The following NSMCE2 variants were observed in gnomAD, a reference collection of about 807,000 sequenced individuals.
NSMCE2 encodes the protein NSE2 SUMO ligase component of SMC5/6 complex.
NSMCE2 carries 24 observed loss-of-function variants against 23.8 expected under a neutral mutation model. That is an observed-to-expected ratio of 1.01 (90% CI 0.73 to 1.42). NSMCE2 has a LOEUF of 1.42. Ranked by LOEUF, NSMCE2 falls within the 40% of genes most tolerant of loss-of-function variation. The pLI is 0.00. For synonymous variants in NSMCE2, 92 were observed against 94.1 expected (o/e 0.98, Z 0.13); for missense variants, 284 against 296.5 (o/e 0.96, Z 0.31).
intron 5 of NSMCE2, among the ~76,000 whole-genome samples, chr8:125,332,385 T>C (rs935364539): frequency 1.2e-4 from 19 of 152,218 alleles, no homozygotes; most frequent in Non-Finnish European, 2.2e-4. Context: ...GTATGGTTTA[T>C]GGAGTGAAAT....
At chr8:125,245,917 G>A (rs962877458) in intron 5 of NSMCE2, among the ~76,000 whole-genome samples, 12 of 151,792 alleles carry the variant, frequency 7.9e-5, no homozygotes, top group Non-Finnish European at 1.2e-4. Flanking sequence ...CCAGCTACTC[G>A]GGAGGCTGAG....
intron 4 of NSMCE2, among the ~76,000 whole-genome samples, chr8:125,176,651 A>G (rs1367591617): frequency 2.0e-5 from 3 of 152,102 alleles, no homozygotes; most frequent in Non-Finnish European, 2.9e-5. Context: ...ACTAACAGCT[A>G]CTCATTATTG....
intron 4 of NSMCE2, among the ~76,000 whole-genome samples, chr8:125,166,536 G>C (rs1335063378): frequency 4.6e-5 from 7 of 152,116 alleles, no homozygotes; most frequent in Admixed American, 4.6e-4. Context: ...CAAAGTGCTG[G>C]GATTACAGGT....
intron 5 of NSMCE2, among the ~76,000 whole-genome samples, chr8:125,305,910 A>G (rs1045874575): frequency 2.0e-5 from 3 of 152,206 alleles, no homozygotes; most frequent in Admixed American, 1.3e-4. Context: ...AATAACAATC[A>G]GTTGTAGTAC....
intron 5 of NSMCE2, among the ~76,000 whole-genome samples, chr8:125,272,723 A>G (rs1827257735): frequency 7.0e-6 from 1 of 143,822 alleles, no homozygotes; most frequent in South Asian, 2.1e-4. Flanking sequence ...TATAATATAT[A>G]TATATACACA....
intron 5 of NSMCE2, among the ~76,000 whole-genome samples, chr8:125,285,238 G>A (rs774115212): frequency 2.4e-4 from 37 of 152,188 alleles, no homozygotes; most frequent in Non-Finnish European, 4.1e-4. Context: ...TTGCCAGATG[G>A]AGAGAAAGAT....
At chr8:125,129,431 A>G (rs933309914) in intron 3 of NSMCE2, among the ~76,000 whole-genome samples, 1 of 152,178 alleles carries the variant, frequency 6.6e-6, no homozygotes, top group African/African-American at 2.4e-5. Flanking sequence ...CTAAGATTGT[A>G]TAACTAGTTA....
At chr8:125,352,476 C>T (rs935383025) in intron 5 of NSMCE2, among the ~76,000 whole-genome samples, 3 of 77,880 alleles carry the variant, frequency 3.9e-5, no homozygotes, top group African/African-American at 1.4e-4. Flanking sequence ...AAATCCATCT[C>T]AAAAAAAAAA....
intron 5 of NSMCE2, among the ~76,000 whole-genome samples, chr8:125,202,067 G>A (rs1007815801): frequency 1.3e-5 from 2 of 152,226 alleles, no homozygotes; most frequent in African/African-American, 4.8e-5. Flanking sequence ...TAAGACCATG[G>A]GAAAAGCACA....
chr8:125,152,171 A>G (rs1423418420), intron 4 of NSMCE2, among the ~76,000 whole-genome samples: 1 of 152,224 alleles, frequency 6.6e-6, no homozygotes, highest in Non-Finnish European at 1.5e-5. Context: ...GACTAACTTT[A>G]AGAATATCAC....
intron 1 of NSMCE2, 139 bp downstream of exon 1, chr8:125,092,097 T>C (rs1026354148): frequency 2.0e-5 from 3 of 152,178 alleles, no homozygotes; most frequent in African/African-American, 7.2e-5. Context: ...CGGTAGTGAG[T>C]CTGGGACAGT....
At chr8:125,283,443 G>A (rs765611579) in intron 5 of NSMCE2, among the ~76,000 whole-genome samples, 1 of 152,158 alleles carries the variant, frequency 6.6e-6, no homozygotes, top group African/African-American at 2.4e-5. Flanking sequence ...GGAGGCTGAG[G>A]TGGGAAGTGG....
Position 125,366,922 on chromosome 8 carries a change from C to T in NSMCE2, c.*37C>T. The T allele has an allele frequency of 8.7e-7, 1 of 1,148,010 alleles. No homozygotes were observed. Among genetic ancestry groups the T allele is most frequent in the Non-Finnish European group, 1.3e-6 (1 of 755,654 alleles). The allele number at this position is 1,148,010 out of a possible 1,614,324, so 71.1% of individuals were successfully genotyped here. On this transcript the variant is annotated 3_prime_UTR_variant, in exon 8 of 8. Coordinates refer to ENST00000287437, the MANE Select transcript of NSMCE2 (RefSeq NM_173685.4). ...TGCCTGCAGGGACACCAGCAGCCTA[C>T]CTCCTACCCCAGCTGTCTGTTGAGA...
intron 5 of NSMCE2, among the ~76,000 whole-genome samples, chr8:125,230,407 GA>G (rs1478021343): frequency 6.6e-6 from 1 of 152,130 alleles, no homozygotes; most frequent in Non-Finnish European, 1.5e-5. Flanking sequence ...AATTTCATTT[GA>G]TTTCAATTAA....
At chr8:125,196,621 T>C (rs879037716) in intron 5 of NSMCE2, among the ~76,000 whole-genome samples, 1 of 152,240 alleles carries the variant, frequency 6.6e-6, no homozygotes, top group African/African-American at 2.4e-5. Context: ...TTTGGGTTGG[T>C]TCCAAGTCTT....
chr8:125,336,767 A>G (rs1448627202), intron 5 of NSMCE2, among the ~76,000 whole-genome samples: 4 of 152,342 alleles, frequency 2.6e-5, no homozygotes, highest in Non-Finnish European at 5.9e-5. Context: ...CTTTGCAAGC[A>G]CTTCTAGTCT....
chr8:125,354,936 G>A (rs1224479077), intron 5 of NSMCE2, among the ~76,000 whole-genome samples: 1 of 152,096 alleles, frequency 6.6e-6, no homozygotes, highest in African/African-American at 2.4e-5. Flanking sequence ...TCCACATCTG[G>A]CCTCATGCAA....
At chr8:125,292,664 A>C (rs1222525083) in intron 5 of NSMCE2, among the ~76,000 whole-genome samples, 1 of 152,222 alleles carries the variant, frequency 6.6e-6, no homozygotes, top group Non-Finnish European at 1.5e-5. Flanking sequence ...CAGATAAGTT[A>C]TCTCTCCAAA....
chr8:125,229,835 A>G (rs1359427984), intron 5 of NSMCE2, among the ~76,000 whole-genome samples: 1 of 152,154 alleles, frequency 6.6e-6, no homozygotes, highest in Non-Finnish European at 1.5e-5. Flanking sequence ...AATTTTTAAA[A>G]TGTTTAATTT....
Sources: allele counts gnomAD v4.1 joint callset (sites outside exome capture counted in the v4.1 genomes callset), GRCh38; gene constraint gnomAD v4.1.1; transcripts MANE v1.5; gene names NCBI Gene and HGNC (gene_info 2026-07-23, HGNC 2026-07-21).